The following ATP8B2 variants were observed in gnomAD, a reference collection of about 807,000 sequenced individuals.
The protein encoded by ATP8B2 is phospholipid-transporting ATPase ID.
In ATP8B2, 70 loss-of-function variants were observed where a neutral mutation model predicts 133.4. That is an observed-to-expected ratio of 0.52 (90% CI 0.43 to 0.64). The LOEUF (loss-of-function observed/expected upper bound fraction) is 0.64. Among genes scored for constraint, ATP8B2 ranks in the 30% least tolerant of loss-of-function variants. The pLI is 0.00. For synonymous variants in ATP8B2, 517 were observed against 589.5 expected (o/e 0.88, Z 1.78); for missense variants, 1,101 against 1,535.7 (o/e 0.72, Z 4.73).
At position 154,345,982 on chromosome 1, in the gene ATP8B2, G is replaced by T. The variant is rs1686568311; in HGVS notation, c.2778+99G>T. ...GTGACACTTGTGCCCATTTCCTGTG[G>T]CCACTGGGAAGGCAGTTCTTTCAGC... is the stretch of plus-strand genomic sequence containing the variant. On this transcript the variant is annotated intron_variant, in intron 24 of 27. Coordinates refer to ENST00000368489, the MANE Select transcript of ATP8B2 (RefSeq NM_001370597.1). The surrounding 1 kb of genome is among the most constrained non-coding windows in gnomAD (Gnocchi z 5.6). 4.0e-6 allele frequency: 5 copies of T among 1,261,896 alleles called. No individual in the cohort carries two copies. The South Asian group carries it at 5.1e-5, about 13-fold the overall frequency. The allele number at this position is 1,261,896 out of a possible 1,614,324, so 78.2% of individuals were successfully genotyped here.
Position 154,340,831 on chromosome 1 carries a change from C to G in ATP8B2, c.1035-23C>G, listed in dbSNP as rs747861004. 5.6e-6 allele frequency: 9 copies of G among 1,612,140 alleles called. No individual in the cohort carries two copies. In the South Asian group the frequency reaches 8.8e-5, roughly 16 times the overall value. The stretch of plus-strand genomic sequence containing the variant: ...ACCTCCTCTTCTTCCCGACCCAAGC[C>G]TCACCTCTTGTCCCCTGTGCAGTGT... On this transcript the variant is annotated intron_variant, in intron 12 of 27. Transcript: ENST00000368489. The surrounding 1 kb of genome is among the most constrained non-coding windows in gnomAD (Gnocchi z 4.0).
In ATP8B2 at chr1:154,346,904, G is replaced by A. The variant is rs1273183827; in HGVS notation, c.3163+146G>A. 3 of 930,148 alleles carry A rather than the reference G, an allele frequency of 3.2e-6. No homozygotes were observed. The highest frequency in any genetic ancestry group is 3.3e-5 in the African/African-American group (2 of 60,852). The allele number at this position is 930,148 out of a possible 1,614,324, so 57.6% of individuals were successfully genotyped here. A position where few individuals can be genotyped will look rare whatever the true frequency, so the allele number is the denominator to read the frequency against. On this transcript the variant is annotated intron_variant, in intron 26 of 27. Transcript: ENST00000368489. The surrounding 1 kb of genome is among the most constrained non-coding windows in gnomAD (Gnocchi z 4.5). ...TTATTTATTTATTTATTTTCGAGAA[G>A]GAGTCTTGCCCAGGCTGGAGTGCAG...
In ATP8B2 at chr1:154,345,595, C is replaced by T. The variant is rs775538491; in HGVS notation, c.2694+50C>T. On this transcript the variant is annotated intron_variant, in intron 23 of 27. Coordinates refer to ENST00000368489, the MANE Select transcript of ATP8B2 (RefSeq NM_001370597.1). This position sits in a 1 kb window ranked among gnomAD's most constrained non-coding sequence, Gnocchi z 5.6. The stretch of plus-strand genomic sequence containing the variant: ...TTGTGCAAATCTGTAAACCTGAGGG[C>T]AGAGGTTCTGTCTTGTTTATCACTC... The T allele has an allele frequency of 3.3e-6, 5 of 1,515,322 alleles. No homozygotes were observed. In the East Asian group the frequency reaches 1.1e-4, roughly 34 times the overall value. 93.9% of individuals were successfully genotyped at this position (1,515,322 alleles called of 1,614,324 possible). A position where few individuals can be genotyped will look rare whatever the true frequency, so the allele number is the denominator to read the frequency against.
In ATP8B2 at chr1:154,344,197, A is replaced by G. The variant is rs766463166; in HGVS notation, c.1978A>G (p.Ile660Val). The part of the protein sequence containing the change: ...DKLQQGVPET[I>V]ALLTLANIKI... Reference sequence around the variant, plus strand: ...ACTTCAGCAAGGGGTTCCAGAGACCATTGCCCTCCTGACACTGGCCAACAT... The same window carrying G: ...ACTTCAGCAAGGGGTTCCAGAGACCGTTGCCCTCCTGACACTGGCCAACAT... Residue 660 changes from isoleucine to valine, a missense_variant, in exon 19 of 28, where the codon ATT becomes GTT. By Grantham distance (29) the Ile-to-Val change is conservative. Transcript: ENST00000368489. This position sits in a 1 kb window ranked among gnomAD's most constrained non-coding sequence, Gnocchi z 4.1. The G allele has an allele frequency of 5.6e-6, 9 of 1,614,100 alleles. No homozygotes were observed. Among genetic ancestry groups the G allele is most frequent in the South Asian group, 2.2e-5 (2 of 91,094 alleles).
At chr1:154,330,560 G>A in intron 3 of ATP8B2, 106 bp downstream of exon 3, 2 of 1,231,718 alleles carry the variant, frequency 1.6e-6, no homozygotes, top group Non-Finnish European at 2.3e-6. Flanking sequence ...AGTGCTTGGG[G>A]GAGGGGAAGC....
Position 154,344,618 on chromosome 1 carries a change from C to G in ATP8B2, c.2142-23C>G, listed in dbSNP as rs890839201. ...CCACTGCCGTTCTGGAAGACCACAACCGTATCATTTCCACCTCGACAGGAA... is the reference window on the plus strand; with the variant it reads ...CCACTGCCGTTCTGGAAGACCACAAGCGTATCATTTCCACCTCGACAGGAA... On this transcript the variant is annotated intron_variant, in intron 20 of 27. Transcript: ENST00000368489. The surrounding 1 kb of genome is among the most constrained non-coding windows in gnomAD (Gnocchi z 4.1). 1 of 1,607,240 alleles carries G rather than the reference C, an allele frequency of 6.2e-7. No homozygotes were observed. Among genetic ancestry groups the G allele is most frequent in the Non-Finnish European group, 8.5e-7 (1 of 1,174,282 alleles).
chr1:154,345,558 C>A lies in ATP8B2; in HGVS notation c.2694+13C>A. ...CTTCTCAGCCCAGGTAATAAATGTT[C>A]CCAGTCCACTGTTGTGCAAATCTGT... is the stretch of plus-strand genomic sequence containing the variant. On this transcript the variant is annotated intron_variant, in intron 23 of 27. Coordinates refer to ENST00000368489, the MANE Select transcript of ATP8B2 (RefSeq NM_001370597.1). This position sits in a 1 kb window ranked among gnomAD's most constrained non-coding sequence, Gnocchi z 5.6. 1 of 1,598,680 alleles carries A rather than the reference C, an allele frequency of 6.3e-7. No homozygotes were observed. Among genetic ancestry groups the A allele is most frequent in the South Asian group, 1.1e-5 (1 of 90,500 alleles).
chr1:154,329,863 G>C (rs1186067756), intron 2 of ATP8B2, among the ~76,000 whole-genome samples: 1 of 152,076 alleles, frequency 6.6e-6, no homozygotes, highest in Non-Finnish European at 1.5e-5. Context: ...GCTCCTGTAG[G>C]GGGGACTGCA....
In ATP8B2 at chr1:154,343,645, T is replaced by C; in HGVS notation, c.1758+77T>C. Reference sequence around the variant, plus strand: ...GGGGAGGCGACTTAAGTTTGTTTTATTGTGTAAATTTAAGGTCTACAACGT... The same window carrying C: ...GGGGAGGCGACTTAAGTTTGTTTTACTGTGTAAATTTAAGGTCTACAACGT... On this transcript the variant is annotated intron_variant, in intron 17 of 27. Coordinates refer to ENST00000368489, the MANE Select transcript of ATP8B2 (RefSeq NM_001370597.1). The surrounding 1 kb of genome is among the most constrained non-coding windows in gnomAD (Gnocchi z 5.8). 2 of 1,366,618 alleles carry C rather than the reference T, an allele frequency of 1.5e-6. No individual in the cohort carries two copies. The highest frequency in any genetic ancestry group is 2.1e-6 in the Non-Finnish European group (2 of 966,260). 84.7% of individuals were successfully genotyped at this position (1,366,618 alleles called of 1,614,324 possible).
rs756029051 is a variant in ATP8B2, at chr1:154,334,110, A to C, written c.593A>C (p.Glu198Ala). Residue 198 changes from glutamate (E) to alanine (A), a missense_variant, in exon 10 of 28, where the codon GAA becomes GCA. By Grantham distance (107) the Glu-to-Ala change is moderately radical (BLOSUM62 -1). Coordinates refer to ENST00000368489, the MANE Select transcript of ATP8B2 (RefSeq NM_001370597.1). This position sits in a 1 kb window ranked among gnomAD's most constrained non-coding sequence, Gnocchi z 4.6. ...DISKLAKFDGEVICEPPNNKL... is the reference protein window; with the variant it reads ...DISKLAKFDGAVICEPPNNKL... ...GGAATTCTTGTCTCCTGTTCAGGTG[A>C]AGTGATCTGTGAACCTCCCAACAAC... The C allele has an allele frequency of 6.2e-7, 1 of 1,614,074 alleles. No homozygotes were observed. Among genetic ancestry groups the C allele is most frequent in the East Asian group, 2.2e-5 (1 of 44,882 alleles).
At chr1:154,337,933 A>G (rs1262480500) in intron 12 of ATP8B2, 4 of 435,056 alleles carry the variant, frequency 9.2e-6, no homozygotes, top group Non-Finnish European at 1.6e-5. Flanking sequence ...CCAGTGCTGT[A>G]GAATTCGACC....
intron 8 of ATP8B2, 128 bp downstream of exon 8, chr1:154,332,152 G>T: frequency 1.1e-6 from 1 of 873,546 alleles, no homozygotes; most frequent in Admixed American, 2.1e-5. Flanking sequence ...GAAAGGCTTT[G>T]GATGGGATGT....
Position 154,344,691 on chromosome 1 carries a change from T to C in ATP8B2, c.2192T>C (p.Phe731Ser). The C allele has an allele frequency of 1.2e-6, 2 of 1,612,326 alleles. No individual in the cohort carries two copies. The highest frequency in any genetic ancestry group is 2.2e-5 in the South Asian group (2 of 91,076). The change falls in exon 21 of 28, where the codon TTC (phenylalanine) becomes TCC (serine). Residue 731 changes from phenylalanine (F) to serine (S), a missense_variant. Phe to Ser is a radical substitution (Grantham distance 155). Coordinates refer to ENST00000368489, the MANE Select transcript of ATP8B2 (RefSeq NM_001370597.1). This position sits in a 1 kb window ranked among gnomAD's most constrained non-coding sequence, Gnocchi z 4.1. ...MDSSRSVGNG[F>S]TYQDKLSSSK... ...TCATCCCGCTCCGTAGGCAACGGCT[T>C]CACCTATCAGGACAAGCTTTCTTCT...
In ATP8B2 at chr1:154,345,096, CAAG is replaced by C. The variant is rs775277531; in HGVS notation, c.2416_2418del (p.Lys806del). 9 of 1,614,200 alleles carry C rather than the reference CAAG, an allele frequency of 5.6e-6. No homozygotes were observed. The East Asian group carries it at 2.0e-4, about 36-fold the overall frequency. On this transcript the variant is annotated inframe_deletion, in exon 22 of 28. Transcript: ENST00000368489. The surrounding 1 kb of genome is among the most constrained non-coding windows in gnomAD (Gnocchi z 5.6). ...AGGTGGTAGAACTGGTCAAGAAGTA[CAAG>C]AAGGCTGTGACGCTTGCCATTGGAG...
rs1279624522 is a variant in ATP8B2 at position 154,346,089 on chromosome 1, G to C, written c.2779-142G>C. 3 of 1,278,058 alleles carry C rather than the reference G, an allele frequency of 2.3e-6. No homozygotes were observed. The Admixed American group carries it at 6.2e-5, about 26-fold the overall frequency. The allele number at this position is 1,278,058 out of a possible 1,614,324, so 79.2% of individuals were successfully genotyped here. A position where few individuals can be genotyped will look rare whatever the true frequency, so the allele number is the denominator to read the frequency against. On this transcript the variant is annotated intron_variant, in intron 24 of 27. Transcript: ENST00000368489. The surrounding 1 kb of genome is among the most constrained non-coding windows in gnomAD (Gnocchi z 4.5). Reference sequence around the variant, plus strand: ...GGTTGCTGAACTAAGTTAGTCTGGGGGTAGCTGGCTTGAGGTTGGTTCTAG... The same window carrying C: ...GGTTGCTGAACTAAGTTAGTCTGGGCGTAGCTGGCTTGAGGTTGGTTCTAG...
chr1:154,332,567 A>T, intron 8 of ATP8B2, 51 bp from the exon 9 acceptor site: 5 of 1,437,784 alleles, frequency 3.5e-6, no homozygotes, highest in Non-Finnish European at 3.8e-6. Context: ...GTGAAAAAAA[A>T]CATTTAGAGG....
In ATP8B2 at chr1:154,344,464, C is replaced by T; in HGVS notation, c.2105C>T (p.Thr702Ile). ...TDDMTEVFIV[T>I]GHTVLEVREE... ...GACATGACTGAGGTTTTCATAGTCA[C>T]TGGCCATACTGTCCTGGAGGTGCGG... The change falls in exon 20 of 28, where the codon ACT becomes ATT. Residue 702 changes from threonine (T) to isoleucine (I), a missense_variant. By Grantham distance (89) the Thr-to-Ile change is moderately conservative. Transcript: ENST00000368489. This position sits in a 1 kb window ranked among gnomAD's most constrained non-coding sequence, Gnocchi z 4.1. The T allele has an allele frequency of 6.2e-7, 1 of 1,614,202 alleles. No individual in the cohort carries two copies. The highest frequency in any genetic ancestry group is 1.3e-5 in the African/African-American group (1 of 75,056).
intron 26 of ATP8B2, 63 bp from the exon 27 acceptor site, chr1:154,348,345 A>G: frequency 6.5e-7 from 1 of 1,538,594 alleles, no homozygotes; most frequent in South Asian, 1.2e-5. Context: ...GAGCTGCCAG[A>G]AATGGGAACG....
chr1:154,337,267 G>A (rs1686219383), intron 11 of ATP8B2, 81 bp from the exon 12 acceptor site: 1 of 1,499,520 alleles, frequency 6.7e-7, no homozygotes, highest in Non-Finnish European at 9.0e-7. Flanking sequence ...GAGGGCTCAA[G>A]GGATGAATAC....
Sources: allele counts gnomAD v4.1 joint callset (sites outside exome capture counted in the v4.1 genomes callset), GRCh38; gene constraint gnomAD v4.1.1; non-coding constraint Gnocchi (gnomAD v3.1); transcripts MANE v1.5; gene names NCBI Gene and HGNC (gene_info 2026-07-23, HGNC 2026-07-21).